The following FAF1 variants were observed in gnomAD, a reference collection of about 807,000 sequenced individuals.
FAF1 encodes FAS-associated factor 1.
In FAF1, 25 loss-of-function variants were observed where a neutral mutation model predicts 92.5. The ratio of observed to expected loss-of-function variants is 0.27; its 90% CI spans 0.20 to 0.38. FAF1 has a LOEUF of 0.38. Among genes scored for constraint, FAF1 ranks in the 10% least tolerant of loss-of-function variants. The pLI, the probability that FAF1 is intolerant of heterozygous loss-of-function variation, is 1.00. For synonymous variants in FAF1, 234 were observed against 273.2 expected (o/e 0.86, Z 1.42); for missense variants, 636 against 793.3 (o/e 0.80, Z 2.38).
chr1:50,840,780 T>C (rs953740273), intron 2 of FAF1, among the ~76,000 whole-genome samples: 1 of 151,956 alleles, frequency 6.6e-6, no homozygotes, highest in Non-Finnish European at 1.5e-5. Flanking sequence ...AAGAAAATTG[T>C]CAGACAAGTA....
rs182528712 is a variant in FAF1 at position 50,887,207 on chromosome 1, G to A, written c.46-29210C>T. Among the ~76,000 whole-genome samples, 16 of 152,206 alleles carry A rather than the reference G, an allele frequency of 1.1e-4. No homozygotes were observed. The East Asian group carries it at 2.9e-3, about 27-fold the overall frequency. ...TGAGAAGTACCTGTTCACATCCTTCGCCCACTTGTTGATGGGGTTGTTGTT... is the reference window on the plus strand; with the variant it reads ...TGAGAAGTACCTGTTCACATCCTTCACCCACTTGTTGATGGGGTTGTTGTT... On this transcript the variant is annotated intron_variant, in intron 1 of 18. Coordinates refer to ENST00000396153, the MANE Select transcript of FAF1 (RefSeq NM_007051.3).
chr1:50,661,044 G>A (rs1655348277), intron 7 of FAF1, among the ~76,000 whole-genome samples: 2 of 151,738 alleles, frequency 1.3e-5, no homozygotes, highest in African/African-American at 4.8e-5. Flanking sequence ...ACAAAATGGA[G>A]AAACAATAGA....
intron 1 of FAF1, among the ~76,000 whole-genome samples, chr1:50,955,890 A>G (rs922202572): frequency 6.6e-6 from 1 of 152,240 alleles, no homozygotes; most frequent in African/African-American, 2.4e-5. Flanking sequence ...GTCACAAAAA[A>G]GGGCAAATAC....
At chr1:50,574,278 T>C (rs988720241) in intron 12 of FAF1, among the ~76,000 whole-genome samples, 1 of 152,234 alleles carries the variant, frequency 6.6e-6, no homozygotes, top group Non-Finnish European at 1.5e-5. Flanking sequence ...AAAGTTTTTA[T>C]GAATAAGGAC....
At chr1:50,498,968 A>G (rs1646944251) in intron 15 of FAF1, among the ~76,000 whole-genome samples, 1 of 152,192 alleles carries the variant, frequency 6.6e-6, no homozygotes, top group Admixed American at 6.5e-5. Context: ...CAAAAGGTGG[A>G]AATAATCCAA....
intron 4 of FAF1, among the ~76,000 whole-genome samples, chr1:50,786,632 G>T (rs1661374676): frequency 6.6e-6 from 1 of 152,134 alleles, no homozygotes; most frequent in African/African-American, 2.4e-5. Flanking sequence ...ATATTTGGGG[G>T]CATGCAAATG....
At chr1:50,949,332 A>G in intron 1 of FAF1, among the ~76,000 whole-genome samples, 1 of 152,262 alleles carries the variant, frequency 6.6e-6, no homozygotes, top group East Asian at 1.9e-4. Context: ...CAATACTGTC[A>G]ACATTTTGAG....
At chr1:50,632,799 A>G (rs542707778) in intron 8 of FAF1, among the ~76,000 whole-genome samples, 2 of 152,270 alleles carry the variant, frequency 1.3e-5, no homozygotes. Context: ...TTCCAGAATT[A>G]AGATTAATAA....
chr1:50,637,800 T>C (rs909159593), intron 8 of FAF1, among the ~76,000 whole-genome samples: 1 of 151,772 alleles, frequency 6.6e-6, no homozygotes, highest in South Asian at 2.1e-4. Context: ...TATAAGCTTT[T>C]AGTGTCCTCT....
chr1:50,836,275 A>G (rs1337503224), intron 2 of FAF1, among the ~76,000 whole-genome samples: 1 of 147,830 alleles, frequency 6.8e-6, no homozygotes, highest in Non-Finnish European at 1.5e-5. Flanking sequence ...GGCTCAGGCA[A>G]TCCTCCCACC....
chr1:50,922,247 T>C (rs551394299), intron 1 of FAF1, among the ~76,000 whole-genome samples: 7 of 148,862 alleles, frequency 4.7e-5, no homozygotes, highest in African/African-American at 1.7e-4. Context: ...TCACCTGAGG[T>C]CAAGGAGTTC....
chr1:50,766,230 A>T (rs1292935825), intron 4 of FAF1, among the ~76,000 whole-genome samples: 1 of 152,214 alleles, frequency 6.6e-6, no homozygotes, highest in Non-Finnish European at 1.5e-5. Context: ...ATCAAAAGCA[A>T]ATTTCTTCTT....
chr1:50,940,744 C>G (rs1645126103), intron 1 of FAF1, among the ~76,000 whole-genome samples: 1 of 152,170 alleles, frequency 6.6e-6, no homozygotes, highest in Admixed American at 6.5e-5. Context: ...AATGTACAGG[C>G]ACTGATGAAC....
intron 13 of FAF1, among the ~76,000 whole-genome samples, chr1:50,541,911 G>A (rs902449846): frequency 6.6e-6 from 1 of 152,146 alleles, no homozygotes; most frequent in African/African-American, 2.4e-5. Flanking sequence ...TTATGAAAAT[G>A]TAGATATCTT....
intron 1 of FAF1, among the ~76,000 whole-genome samples, chr1:50,903,508 C>A (rs1265822202): frequency 1.3e-5 from 2 of 152,008 alleles, no homozygotes; most frequent in Non-Finnish European, 2.9e-5. Flanking sequence ...AATGATGTAT[C>A]TTTAGTATAT....
At chr1:50,746,973 C>A (rs1295167160) in intron 4 of FAF1, among the ~76,000 whole-genome samples, 2 of 152,166 alleles carry the variant, frequency 1.3e-5, no homozygotes, top group Admixed American at 6.5e-5. Context: ...TGGTGTTAAG[C>A]CTGCAGGTGC....
intron 3 of FAF1, 54 bp from the exon 4 acceptor site, chr1:50,788,259 C>T: frequency 6.9e-7 from 1 of 1,442,552 alleles, no homozygotes; most frequent in Non-Finnish European, 9.7e-7. Flanking sequence ...TTACAGAATA[C>T]TACTAGGGAC....
chr1:50,654,965 ATATT>A (rs1655036620), intron 8 of FAF1, among the ~76,000 whole-genome samples: 1 of 149,828 alleles, frequency 6.7e-6, no homozygotes, highest in South Asian at 2.1e-4. Flanking sequence ...TTGGTTTTAG[ATATT>A]TCTTTTTTTT....
At chr1:50,679,446 GAA>G (rs750339675) in intron 7 of FAF1, among the ~76,000 whole-genome samples, 10 of 127,958 alleles carry the variant, frequency 7.8e-5, no homozygotes, top group South Asian at 2.5e-4. Flanking sequence ...CTTCACAGAT[GAA>G]AAAAAAAAAA....
Sources: gnomAD v4.1 joint callset for allele counts (sites outside exome capture counted in the v4.1 genomes callset) on GRCh38, gnomAD v4.1.1 for gene constraint, MANE v1.5 for transcripts, NCBI Gene and HGNC (gene_info 2026-07-23, HGNC 2026-07-21) for gene names.